The following FOCAD variants were observed in gnomAD, a reference collection of about 807,000 sequenced individuals.
FOCAD encodes the protein KIAA1797.
Under a neutral mutation model 225.6 loss-of-function variants are expected in FOCAD, and 198 were observed. The observed-to-expected ratio is 0.88, with a 90% confidence interval of 0.78 to 0.99. FOCAD has a LOEUF of 0.99. FOCAD is among the 50% of genes least tolerant of loss of function. The pLI is 0.00. For missense variants in FOCAD, 2,713 were observed against 2,123.6 expected (o/e 1.28, Z -5.46); for synonymous variants, 897 against 755.0 (o/e 1.19, Z -3.08).
chr9:20,917,007 C>G (rs1232018939), intron 24 of FOCAD, 70 bp downstream of exon 24: 1 of 1,254,178 alleles, frequency 8.0e-7, no homozygotes, highest in Non-Finnish European at 1.1e-6. Flanking sequence ...CATACATTTT[C>G]TCCTTTTAGG....
intron 15 of FOCAD, among the ~76,000 whole-genome samples, chr9:20,851,532 C>A (rs1437458219): frequency 6.6e-6 from 1 of 151,712 alleles, no homozygotes; most frequent in Non-Finnish European, 1.5e-5. Context: ...AATTTCCTAC[C>A]CGTTTTGAAA....
At chr9:20,659,388 CAG>C (rs1281244431) in intron 2 of FOCAD, among the ~76,000 whole-genome samples, 8 of 78,786 alleles carry the variant, frequency 1.0e-4, no homozygotes, top group Admixed American at 7.8e-4. Context: ...GCCTGAGTGA[CAG>C]AGTGACTCCA....
rs138287112 is a variant in FOCAD at position 20,659,636 on chromosome 9, A to C, written c.-78+810A>C. Among the ~76,000 whole-genome samples the C allele has an allele frequency of 7.8e-3, 1,193 of 152,316 alleles. 4 individuals are homozygous for C. Among genetic ancestry groups the C allele is most frequent in the Non-Finnish European group, 0.012 (791 of 68,026 alleles). On this transcript the variant is annotated intron_variant, in intron 2 of 45. Transcript: ENST00000380249. ...ACACTTTGATGTTGGATTTCCCTGC[A>C]TCCAGAGCTGGAAGAAAATAAATTT... is the stretch of plus-strand genomic sequence containing the variant.
At chr9:20,786,227 A>G (rs1819907414) in intron 10 of FOCAD, among the ~76,000 whole-genome samples, 2 of 152,192 alleles carry the variant, frequency 1.3e-5, no homozygotes, top group Non-Finnish European at 2.9e-5. Context: ...TAACAGTTCC[A>G]TTTCAGATTT....
chr9:20,697,979 T>C (rs375691482), intron 1 of FOCAD, among the ~76,000 whole-genome samples: 5 of 152,256 alleles, frequency 3.3e-5, no homozygotes, highest in African/African-American at 1.2e-4. Flanking sequence ...GACTTTCGCA[T>C]TAAATAGTTC....
chr9:20,758,768 G>A (rs1186072879), intron 6 of FOCAD, among the ~76,000 whole-genome samples: 1 of 152,112 alleles, frequency 6.6e-6, no homozygotes, highest in Admixed American at 6.6e-5. Flanking sequence ...TCTGGCCAGG[G>A]CAATTAGGCA....
At chr9:20,782,918 T>C (rs1488240448) in intron 10 of FOCAD, among the ~76,000 whole-genome samples, 3 of 152,238 alleles carry the variant, frequency 2.0e-5, no homozygotes, top group African/African-American at 7.2e-5. Context: ...ATTGTTTGAC[T>C]AAAACTTTAA....
chr9:20,798,084 T>C (rs938994140), intron 11 of FOCAD, among the ~76,000 whole-genome samples: 2 of 152,186 alleles, frequency 1.3e-5, no homozygotes, highest in Non-Finnish European at 2.9e-5. Context: ...CAAAGGCCTT[T>C]TCTGCATCTA....
intron 21 of FOCAD, among the ~76,000 whole-genome samples, chr9:20,893,595 C>G (rs541128236): frequency 6.6e-6 from 1 of 152,102 alleles, no homozygotes; most frequent in South Asian, 2.1e-4. Flanking sequence ...TATTCTATAC[C>G]CTTCACAATG....
rs539678077 is a variant in FOCAD at position 20,827,301 on chromosome 9, A to T, written c.1920+4186A>T. Among the ~76,000 whole-genome samples the T allele has an allele frequency of 9.5e-4, 145 of 152,124 alleles. 1 individual carries two copies. The highest frequency in any genetic ancestry group is 3.4e-3 in the Middle Eastern group (1 of 294). On this transcript the variant is annotated intron_variant, in intron 15 of 43. Coordinates refer to ENST00000338382, the MANE Select transcript of FOCAD (RefSeq NM_001375567.1). ...CATTTCTTATAAACAAAATCATATG[A>T]TGTGTTGTCTTTTGTAAGTAGCTTC...
intron 42 of FOCAD, 99 bp downstream of exon 42, chr9:20,990,473 C>T (rs1229317004): frequency 1.2e-5 from 17 of 1,399,926 alleles, no homozygotes; most frequent in Non-Finnish European, 1.6e-5. Flanking sequence ...CGTCTTGAAT[C>T]ACACCACAGA....
At chr9:20,838,973 G>A (rs1032615408) in intron 15 of FOCAD, among the ~76,000 whole-genome samples, 2 of 152,022 alleles carry the variant, frequency 1.3e-5, no homozygotes, top group African/African-American at 4.8e-5. Flanking sequence ...TTACACCAGA[G>A]GATCATGTGT....
chr9:20,980,849 C>T (rs988898013), intron 37 of FOCAD, among the ~76,000 whole-genome samples: 2 of 152,212 alleles, frequency 1.3e-5, no homozygotes, highest in African/African-American at 2.4e-5. Flanking sequence ...AGAGCTGTTA[C>T]TAACATGCCC....
intron 35 of FOCAD, among the ~76,000 whole-genome samples, chr9:20,966,868 C>G (rs1015106415): frequency 6.6e-6 from 1 of 152,024 alleles, no homozygotes; most frequent in Non-Finnish European, 1.5e-5. Context: ...AGAAATAAAC[C>G]TATGCACTGG....
intron 1 of FOCAD, among the ~76,000 whole-genome samples, chr9:20,708,997 C>G (rs1824615734): frequency 6.6e-6 from 1 of 151,958 alleles, no homozygotes; most frequent in Admixed American, 6.6e-5. Flanking sequence ...AAGATTGTGT[C>G]CTTTATTTGA....
chr9:20,865,779 T>C, intron 16 of FOCAD, 147 bp from the exon 17 acceptor site: 1 of 533,586 alleles, frequency 1.9e-6, no homozygotes, highest in South Asian at 3.0e-5. Context: ...TTACATTTTA[T>C]GAATGATGGG....
At chr9:20,988,142 A>T (rs994833269) in intron 40 of FOCAD, among the ~76,000 whole-genome samples, 190 bp from the exon 41 acceptor site, 7 of 152,210 alleles carry the variant, frequency 4.6e-5, no homozygotes, top group Non-Finnish European at 2.9e-5. Context: ...AAATACTGTT[A>T]TCTGATGTGA....
chr9:20,697,443 T>G (rs1199823333), intron 1 of FOCAD, among the ~76,000 whole-genome samples: 2 of 152,226 alleles, frequency 1.3e-5, no homozygotes, highest in African/African-American at 4.8e-5. Flanking sequence ...GATCTGGGTT[T>G]CTGCTTCATT....
At chr9:20,664,917 T>C (rs958846028) in intron 2 of FOCAD, among the ~76,000 whole-genome samples, 4 of 151,554 alleles carry the variant, frequency 2.6e-5, no homozygotes, top group South Asian at 2.1e-4. Context: ...AAATACCAGT[T>C]TTTGGTATTT....
Sources: gnomAD v4.1 joint callset for allele counts (sites outside exome capture counted in the v4.1 genomes callset) on GRCh38, gnomAD v4.1.1 for gene constraint, MANE v1.5 for transcripts, NCBI Gene and HGNC (gene_info 2026-07-23, HGNC 2026-07-21) for gene names.